The following VWDE variants were observed in gnomAD, a reference collection of about 807,000 sequenced individuals.
VWDE encodes the protein von Willebrand factor D and EGF domains.
A neutral mutation model predicts 178.4 loss-of-function variants in VWDE; 207 were observed. The observed-to-expected ratio is 1.16, with a 90% CI of 1.04 to 1.30. The LOEUF is 1.30. Ranked by LOEUF, VWDE falls within the 50% of genes most tolerant of loss-of-function variation. VWDE has a pLI of 0.00. For missense variants in VWDE, 2,287 were observed against 1,901.3 expected, an observed-to-expected ratio of 1.20 and a Z score of -3.77; for synonymous variants, 738 against 651.4, an observed-to-expected ratio of 1.13 and a Z score of -2.02.
intron 15 of VWDE, among the ~76,000 whole-genome samples, chr7:12,360,135 C>G (rs1782494892): frequency 6.6e-6 from 1 of 152,074 alleles, no homozygotes; most frequent in Non-Finnish European, 1.5e-5. Context: ...CCAACTAGAC[C>G]AGATCTTTGG....
chr7:12,374,908 T>A (rs1397336980), intron 8 of VWDE, 102 bp downstream of exon 8: 1 of 1,265,272 alleles, frequency 7.9e-7, no homozygotes, highest in East Asian at 2.6e-5. Flanking sequence ...AAAACTAATT[T>A]ACCAAAAAAT....
intron 1 of VWDE, among the ~76,000 whole-genome samples, chr7:12,396,059 G>C (rs1180865469): frequency 6.6e-6 from 1 of 152,048 alleles, no homozygotes; most frequent in African/African-American, 2.4e-5. Flanking sequence ...TAAGAAAGTT[G>C]GGTAATATAT....
chr7:12,335,851 T>C (rs931274908), intron 27 of VWDE, among the ~76,000 whole-genome samples: 16 of 152,212 alleles, frequency 1.1e-4, no homozygotes, highest in Non-Finnish European at 2.4e-4. Context: ...TAAACTTCTA[T>C]ATATCAATAC....
chr7:12,333,012 T>C (rs1780812814), intron 28 of VWDE, among the ~76,000 whole-genome samples: 1 of 152,220 alleles, frequency 6.6e-6, no homozygotes, highest in Admixed American at 6.5e-5. Context: ...AGAACTACCC[T>C]TGTGTGTATA....
intron 3 of VWDE, among the ~76,000 whole-genome samples, chr7:12,387,518 G>A (rs1784161653): frequency 6.6e-6 from 1 of 151,562 alleles, no homozygotes; most frequent in Admixed American, 6.6e-5. Flanking sequence ...TTGAGATTGG[G>A]TATTTTATAT....
rs999916136 is a variant in VWDE at position 12,373,232 on chromosome 7, G to C, written c.1332C>G (p.Phe444Leu). ...ITFDGRVYDNFKTGTFVLYKS... is the reference protein window; with the variant it reads ...ITFDGRVYDNLKTGTFVLYKS... Reference sequence around the variant, plus strand: ...TATAAAGCACAAATGTTCCAGTCTTGAAATTATCATATACCCTATCATTAA... The same window carrying C: ...TATAAAGCACAAATGTTCCAGTCTTCAAATTATCATATACCCTATCATTAA... Residue 444 changes from phenylalanine (F) to leucine (L), a missense_variant, in exon 10 of 29, where the codon TTC (phenylalanine) becomes TTG (leucine). By Grantham distance (22) the Phe-to-Leu change is conservative. Coordinates refer to ENST00000275358, the MANE Select transcript of VWDE (RefSeq NM_001135924.3). The C allele has an allele frequency of 1.3e-6, 2 of 1,550,772 alleles. No individual in the cohort carries two copies. Among genetic ancestry groups the C allele is most frequent in the Non-Finnish European group, 1.7e-6 (2 of 1,146,672 alleles).
intron 24 of VWDE, 103 bp downstream of exon 24, chr7:12,340,219 A>G: frequency 1.2e-6 from 1 of 869,482 alleles, no homozygotes; most frequent in East Asian, 2.7e-5. Context: ...TCTGGGGAAA[A>G]AATCGCATCT....
At chr7:12,344,678 C>CAGT (rs2128547658) in intron 19 of VWDE, among the ~76,000 whole-genome samples, 1 of 152,178 alleles carries the variant, frequency 6.6e-6, no homozygotes, top group African/African-American at 2.4e-5. Flanking sequence ...CAAAGCAAAA[C>CAGT]AGTAACACAA....
rs1160456176 is a variant in VWDE, at chr7:12,375,199, T to C, written c.1053A>G (p.Ala351=). The C allele has an allele frequency of 1.3e-6, 2 of 1,550,916 alleles. No homozygotes were observed. Among genetic ancestry groups the C allele is most frequent in the African/African-American group, 2.7e-5 (2 of 73,014 alleles). ...GAAGGTCCACATGACAGGAAGACAG[T>C]GCCAAATTTAAGCCTAGGTGCTCTC... The part of the protein sequence containing the change: ...QGREHLGLNL[A]LSSCHVDLLQ... Residue 351 remains alanine, a synonymous_variant, in exon 8 of 29, where the codon GCA becomes GCG. Coordinates refer to ENST00000275358, the MANE Select transcript of VWDE (RefSeq NM_001135924.3).
Position 12,389,256 on chromosome 7 carries a change from A to T in VWDE, c.346T>A (p.Trp116Arg). 6.4e-7 allele frequency: 1 copy of T among 1,551,712 alleles called. No homozygotes were observed. Among genetic ancestry groups the T allele is most frequent in the Non-Finnish European group, 8.7e-7 (1 of 1,146,990 alleles). ...TTTGTAGTGCTGAACAAAAACTGCC[A>T]TGTTGCACAAGCTGTCAATTGCTTG... ...EIKQLTACAT[W>R]QFLFSTTKDC... Residue 116 changes from tryptophan (W) to arginine (R), a missense_variant, in exon 3 of 29, where the codon TGG becomes AGG. Transcript: ENST00000275358.
At chr7:12,338,965 T>C (rs1326131798) in intron 24 of VWDE, among the ~76,000 whole-genome samples, 1 of 152,172 alleles carries the variant, frequency 6.6e-6, no homozygotes, top group Non-Finnish European at 1.5e-5. Flanking sequence ...ACTTTCAATG[T>C]GTGTGCCATC....
intron 8 of VWDE, 91 bp from the exon 9 acceptor site, chr7:12,374,853 A>C: frequency 1.7e-6 from 2 of 1,143,254 alleles, no homozygotes; most frequent in South Asian, 3.1e-5. Flanking sequence ...CAAACTTTCA[A>C]TTAATTATTG....
At chr7:12,397,812 C>T (rs1784698770) in intron 1 of VWDE, among the ~76,000 whole-genome samples, 1 of 152,054 alleles carries the variant, frequency 6.6e-6, no homozygotes, top group Admixed American at 6.6e-5. Context: ...TGAGAAAATG[C>T]TCAACATCAC....
chr7:12,337,619 T>G (rs1444134091), intron 24 of VWDE, among the ~76,000 whole-genome samples: 1 of 152,118 alleles, frequency 6.6e-6, no homozygotes, highest in Non-Finnish European at 1.5e-5. Flanking sequence ...TAGCTCAAAA[T>G]AAGAATGTGC....
Position 12,340,143 on chromosome 7 carries a change from A to T in VWDE, c.4366+179T>A, listed in dbSNP as rs186766062. On this transcript the variant is annotated intron_variant, in intron 24 of 28. Coordinates refer to ENST00000275358, the MANE Select transcript of VWDE (RefSeq NM_001135924.3). ...TATCGAGTAAATATAACCGTTTTAC[A>T]TAATAACTTTGATATATTTTTGTAA... Among the ~76,000 whole-genome samples, 287 of 152,304 alleles carry T rather than the reference A, an allele frequency of 1.9e-3. 3 individuals carry two copies. The highest frequency in any genetic ancestry group is 6.4e-3 in the African/African-American group (265 of 41,574).
intron 17 of VWDE, among the ~76,000 whole-genome samples, chr7:12,356,898 G>A (rs59723417): frequency 0.016 from 2,395 of 152,252 alleles, 57 homozygotes; most frequent in African/African-American, 0.054. Flanking sequence ...TTATAATCTT[G>A]ATTTCTAATT....
At chr7:12,340,199 T>C (rs951653687) in intron 24 of VWDE, 123 bp downstream of exon 24, 5 of 711,010 alleles carry the variant, frequency 7.0e-6, no homozygotes, top group Non-Finnish European at 1.2e-5. Flanking sequence ...ACTTGAAACA[T>C]CGCAAGAATT....
At chr7:12,332,512 G>A (rs1340606014) in intron 28 of VWDE, among the ~76,000 whole-genome samples, 1 of 152,056 alleles carries the variant, frequency 6.6e-6, no homozygotes, top group East Asian at 1.9e-4. Context: ...AGCTTTAGAG[G>A]TCATAGGGTT....
At chr7:12,351,743 G>T (rs1469319415) in intron 18 of VWDE, 30 bp from the exon 19 acceptor site, 2 of 1,510,820 alleles carry the variant, frequency 1.3e-6, no homozygotes, top group East Asian at 2.5e-5. Context: ...AAACAGATTA[G>T]ACTTAAACTA....
Sources: gnomAD v4.1 joint callset for allele counts (sites outside exome capture counted in the v4.1 genomes callset) on GRCh38, gnomAD v4.1.1 for gene constraint, MANE v1.5 for transcripts, NCBI Gene and HGNC (gene_info 2026-07-23, HGNC 2026-07-21) for gene names.